JHY: variants seen among roughly 807,000 people sequenced by gnomAD.
JHY encodes the protein junctional cadherin complex regulator, also known as jhy protein homolog.
JHY carries 69 observed loss-of-function variants against 78.0 expected under a neutral mutation model. That is an observed-to-expected ratio of 0.88 (90% CI 0.73 to 1.08). JHY has a LOEUF of 1.08. JHY is among the 50% of genes least tolerant of loss of function. The probability of loss-of-function intolerance (pLI) is 0.00; values close to 1 mark genes in which losing one functional copy is unlikely to be tolerated. For synonymous variants in JHY, 368 were observed against 342.6 expected, an observed-to-expected ratio of 1.07 and a Z score of -0.82; for missense variants, 944 against 927.8, an observed-to-expected ratio of 1.02 and a Z score of -0.23.
At chr11:122,888,204 A>C (rs2135280126) in intron 2 of JHY, among the ~76,000 whole-genome samples, 1 of 152,290 alleles carries the variant, frequency 6.6e-6, no homozygotes, top group East Asian at 1.9e-4. Flanking sequence ...CCTTGATAGG[A>C]CTAGGCTGGG....
At chr11:122,947,413 T>A (rs1863988150) in intron 6 of JHY, 1 of 152,258 alleles carries the variant, frequency 6.6e-6, no homozygotes, top group South Asian at 2.1e-4. Context: ...TTTGCGCACT[T>A]CAGTCTTTTC....
intron 3 of JHY, among the ~76,000 whole-genome samples, chr11:122,918,262 T>A (rs1290347228): frequency 2.0e-5 from 3 of 151,312 alleles, no homozygotes; most frequent in African/African-American, 7.4e-5. Flanking sequence ...TTGGGATACA[T>A]CCCTGAAAAA....
intron 5 of JHY, among the ~76,000 whole-genome samples, chr11:122,943,741 T>G (rs781515654): frequency 1.3e-5 from 2 of 152,224 alleles, no homozygotes; most frequent in Non-Finnish European, 2.9e-5. Context: ...AGTTTATGCT[T>G]TCTGATACTA....
intron 1 of JHY, among the ~76,000 whole-genome samples, chr11:122,885,052 T>C (rs1862466397): frequency 6.6e-6 from 1 of 151,774 alleles, no homozygotes; most frequent in Non-Finnish European, 1.5e-5. Flanking sequence ...TTAAGCGATC[T>C]GCCCACCTTG....
At position 122,908,970 on chromosome 11, in the gene JHY, G is replaced by A. The variant is rs1863052652; in HGVS notation, c.864+4526G>A. Among the ~76,000 whole-genome samples the A allele has an allele frequency of 2.0e-5, 3 of 152,286 alleles. No homozygotes were observed. The South Asian group carries it at 6.2e-4, about 32-fold the overall frequency. ...AAAAAGTATAAATGAACAATTCACA[G>A]ACTGTTCCTCTCATTACTCTTAATT... On this transcript the variant is annotated intron_variant, in intron 3 of 8. Coordinates refer to ENST00000227349, the MANE Select transcript of JHY (RefSeq NM_024806.4).
chr11:122,959,037 C>G, intron 8 of JHY: 1 of 978,854 alleles, frequency 1.0e-6, no homozygotes, highest in Non-Finnish European at 1.2e-6. Flanking sequence ...TTCTTCAACT[C>G]CTTTTTTTCC....
chr11:122,941,074 G>T (rs994703591), intron 5 of JHY, among the ~76,000 whole-genome samples: 3 of 152,026 alleles, frequency 2.0e-5, no homozygotes. Flanking sequence ...TATGTTCTAG[G>T]TTTACCTTTG....
intron 5 of JHY, among the ~76,000 whole-genome samples, chr11:122,937,861 C>T (rs1452936111): frequency 6.6e-6 from 1 of 152,180 alleles, no homozygotes; most frequent in Non-Finnish European, 1.5e-5. Context: ...AATTATCTTT[C>T]TTCTGCCCTC....
chr11:122,919,809 T>C (rs1489271038), intron 3 of JHY, among the ~76,000 whole-genome samples: 2 of 152,134 alleles, frequency 1.3e-5, no homozygotes, highest in Non-Finnish European at 2.9e-5. Context: ...CGAAACCCCG[T>C]CTATACTAAA....
At chr11:122,909,029 C>T (rs1863054241) in intron 3 of JHY, among the ~76,000 whole-genome samples, 1 of 152,172 alleles carries the variant, frequency 6.6e-6, no homozygotes, top group Non-Finnish European at 1.5e-5. Flanking sequence ...TGCTTATTCA[C>T]AGATTGTTCA....
At position 122,924,879 on chromosome 11, in the gene JHY, T is replaced by A. The variant is rs778235513; in HGVS notation, c.865-18T>A. ...AAATGAATCCAGTTAACATGCTGTATGTGTTTTACCTACCTAGATCTCCTA... is the reference window on the plus strand; with the variant it reads ...AAATGAATCCAGTTAACATGCTGTAAGTGTTTTACCTACCTAGATCTCCTA... On this transcript the variant is annotated intron_variant, in intron 3 of 8. Transcript: ENST00000227349. The A allele has an allele frequency of 3.2e-6, 5 of 1,576,544 alleles. No individual in the cohort carries two copies. The highest frequency in any genetic ancestry group is 1.4e-5 in the African/African-American group (1 of 74,040).
intron 3 of JHY, among the ~76,000 whole-genome samples, chr11:122,914,859 AT>A (rs1863203219): frequency 6.6e-6 from 1 of 152,138 alleles, no homozygotes; most frequent in African/African-American, 2.4e-5. Context: ...GCCCTCTGCT[AT>A]TACTACAAGA....
At chr11:122,919,318 A>C (rs1237848564) in intron 3 of JHY, among the ~76,000 whole-genome samples, 1 of 141,506 alleles carries the variant, frequency 7.1e-6, no homozygotes, top group East Asian at 2.1e-4. Context: ...ATGCCACTGC[A>C]CTCCAGCCTG....
intron 2 of JHY, among the ~76,000 whole-genome samples, chr11:122,902,925 C>T (rs1025558216): frequency 2.6e-5 from 4 of 152,124 alleles, no homozygotes; most frequent in Non-Finnish European, 4.4e-5. Flanking sequence ...ACAGTAAATA[C>T]AAAAGTCAGT....
chr11:122,934,379 C>T (rs557454352), intron 4 of JHY, 41 bp from the exon 5 acceptor site: 43 of 1,146,670 alleles, frequency 3.7e-5, no homozygotes, highest in Non-Finnish European at 5.0e-5. Flanking sequence ...GTGAAGAGTG[C>T]CAGTCTTCTA....
intron 2 of JHY, among the ~76,000 whole-genome samples, chr11:122,890,438 T>C (rs769816847): frequency 6.6e-6 from 1 of 152,152 alleles, no homozygotes; most frequent in Admixed American, 6.5e-5. Flanking sequence ...TCTAAGAGAT[T>C]TATAGTCTCC....
At chr11:122,934,350 A>ATT in intron 4 of JHY, 70 bp from the exon 5 acceptor site, 4 of 593,716 alleles carry the variant, frequency 6.7e-6, no homozygotes, top group East Asian at 5.4e-5. Flanking sequence ...ATAAATAAAT[A>ATT]AATAATAAAA....
At chr11:122,889,862 G>C (rs1366307249) in intron 2 of JHY, among the ~76,000 whole-genome samples, 1 of 152,088 alleles carries the variant, frequency 6.6e-6, no homozygotes, top group African/African-American at 2.4e-5. Flanking sequence ...GGGTTCAAAT[G>C]ATTCTCGTGC....
intron 3 of JHY, among the ~76,000 whole-genome samples, chr11:122,915,876 G>A (rs1173405906): frequency 6.6e-6 from 1 of 152,090 alleles, no homozygotes; most frequent in Non-Finnish European, 1.5e-5. Context: ...AAGGGGGCAG[G>A]GGCAATGGCA....
Sources: allele counts gnomAD v4.1 joint callset (sites outside exome capture counted in the v4.1 genomes callset), GRCh38; gene constraint gnomAD v4.1.1; transcripts MANE v1.5; gene names NCBI Gene and HGNC (gene_info 2026-07-23, HGNC 2026-07-21).